DOCK1: variants seen among roughly 807,000 people sequenced by gnomAD.
DOCK1 encodes dedicator of cytokinesis protein 1.
DOCK1 carries 138 observed loss-of-function variants against 262.7 expected under a neutral mutation model. That is an observed-to-expected ratio of 0.53 (90% CI 0.46 to 0.61). DOCK1 has a LOEUF of 0.61. Among genes scored for constraint, DOCK1 ranks in the 20% least tolerant of loss-of-function variants. The probability of loss-of-function intolerance (pLI) is 0.00; values close to 1 mark genes in which losing one functional copy is unlikely to be tolerated. For synonymous variants in DOCK1, 866 were observed against 867.4 expected (o/e 1.00, Z 0.03); for missense variants, 1,908 against 2,370.7 (o/e 0.80, Z 4.05).
At chr10:127,341,415 A>G (rs1048356837) in intron 30 of DOCK1, among the ~76,000 whole-genome samples, 1 of 152,216 alleles carries the variant, frequency 6.6e-6, no homozygotes, top group African/African-American at 2.4e-5. Flanking sequence ...AAAATCAGAT[A>G]GCTGAGTTTC....
chr10:127,196,453 G>A (rs1341774710), intron 27 of DOCK1, among the ~76,000 whole-genome samples: 1 of 148,584 alleles, frequency 6.7e-6, no homozygotes, highest in Non-Finnish European at 1.5e-5. Flanking sequence ...GCGGGGCAGA[G>A]GAGGGAGCAG....
intron 21 of DOCK1, among the ~76,000 whole-genome samples, chr10:127,047,628 C>A (rs544806200): frequency 1.3e-5 from 2 of 152,264 alleles, no homozygotes; most frequent in South Asian, 4.1e-4. Flanking sequence ...AGACATAAGA[C>A]ATTGCCATTC....
intron 48 of DOCK1, among the ~76,000 whole-genome samples, chr10:127,436,074 A>G (rs1467845909): frequency 5.9e-5 from 9 of 152,236 alleles, no homozygotes; most frequent in Admixed American, 1.3e-4. Flanking sequence ...GTTGTTGCTT[A>G]TAATAGATAA....
intron 32 of DOCK1, among the ~76,000 whole-genome samples, chr10:127,357,043 A>G (rs1430066810): frequency 6.6e-6 from 1 of 151,780 alleles, no homozygotes; most frequent in Admixed American, 6.6e-5. Context: ...ACATACTGAA[A>G]TGCTTCCTTC....
At chr10:127,214,762 C>T (rs2058132164) in intron 27 of DOCK1, among the ~76,000 whole-genome samples, 1 of 152,142 alleles carries the variant, frequency 6.6e-6, no homozygotes, top group Admixed American at 6.5e-5. Flanking sequence ...GAAACAGAGG[C>T]CCCCAGTGTT....
intron 29 of DOCK1, among the ~76,000 whole-genome samples, chr10:127,306,880 G>A (rs557859612): frequency 2.6e-5 from 4 of 152,164 alleles, no homozygotes; most frequent in Non-Finnish European, 5.9e-5. Context: ...TCTCTCTCTC[G>A]ATAAGAATTA....
intron 1 of DOCK1, among the ~76,000 whole-genome samples, chr10:126,936,883 T>C (rs2034591844): frequency 6.6e-6 from 1 of 152,192 alleles, no homozygotes; most frequent in South Asian, 2.1e-4. Flanking sequence ...AGCAGCACCA[T>C]TCGTCACCGG....
intron 27 of DOCK1, among the ~76,000 whole-genome samples, chr10:127,172,311 C>T (rs1003704880): frequency 6.6e-6 from 1 of 152,064 alleles, no homozygotes; most frequent in African/African-American, 2.4e-5. Context: ...GTATTTACAC[C>T]ATGGAAATCA....
intron 10 of DOCK1, chr10:127,001,633 C>T (rs2040602619): frequency 6.6e-6 from 1 of 152,194 alleles, no homozygotes; most frequent in African/African-American, 2.4e-5. Context: ...AAAAATATTT[C>T]AAATCATTTA....
chr10:127,149,360 C>T (rs1362072957), intron 27 of DOCK1, among the ~76,000 whole-genome samples: 3 of 152,106 alleles, frequency 2.0e-5, no homozygotes, highest in Non-Finnish European at 2.9e-5. Context: ...TGGTGGTTTT[C>T]CCCCCGCCTT....
At chr10:127,341,192 G>A (rs2063409527) in intron 30 of DOCK1, among the ~76,000 whole-genome samples, 1 of 152,096 alleles carries the variant, frequency 6.6e-6, no homozygotes, top group African/African-American at 2.4e-5. Flanking sequence ...GTCATTTCAT[G>A]AATAGATGAC....
intron 32 of DOCK1, among the ~76,000 whole-genome samples, chr10:127,356,663 G>T (rs182584795): frequency 1.3e-3 from 196 of 152,186 alleles, no homozygotes; most frequent in Admixed American, 3.7e-3. Context: ...TGGCATGGAG[G>T]GGGGCTGTTC....
chr10:126,913,111 A>G (rs2032053633), intron 1 of DOCK1, among the ~76,000 whole-genome samples: 1 of 152,108 alleles, frequency 6.6e-6, no homozygotes, highest in Admixed American at 6.6e-5. Flanking sequence ...TTGTAATCAA[A>G]TTAGTGACAG....
chr10:127,261,979 GGT>G (rs565161059), intron 29 of DOCK1, among the ~76,000 whole-genome samples: 12 of 96,122 alleles, frequency 1.2e-4, no homozygotes, highest in South Asian at 3.6e-4. Context: ...TGTGCATGTG[GGT>G]GTGTGTGTGT....
chr10:127,177,636 C>T (rs2055296324), intron 27 of DOCK1, among the ~76,000 whole-genome samples: 2 of 152,182 alleles, frequency 1.3e-5, no homozygotes, highest in African/African-American at 4.8e-5. Flanking sequence ...CAGACTTCGT[C>T]CACATTGCCC....
chr10:127,055,292 C>T (rs1382923492), intron 22 of DOCK1, among the ~76,000 whole-genome samples: 1 of 152,156 alleles, frequency 6.6e-6, no homozygotes, highest in East Asian at 1.9e-4. Flanking sequence ...TTAGTGGGGT[C>T]TCTTTATCTC....
rs747957866 is a variant in DOCK1 at position 126,970,678 on chromosome 10, A to G, written c.47-24A>G. On this transcript the variant is annotated intron_variant, in intron 1 of 51. Coordinates refer to ENST00000623213, the MANE Select transcript of DOCK1 (RefSeq NM_001290223.2). ...CACTTCTATCTTTACTATTACTAAT[A>G]TATTTCCCCTTTTTTCATCACAGCT... 8.3e-6 allele frequency: 13 copies of G among 1,570,014 alleles called. No homozygotes were observed. The South Asian group carries it at 1.1e-4, about 13-fold the overall frequency.
At chr10:127,371,093 C>T (rs760096557) in intron 33 of DOCK1, among the ~76,000 whole-genome samples, 31 of 152,230 alleles carry the variant, frequency 2.0e-4, no homozygotes, top group Non-Finnish European at 3.5e-4. Flanking sequence ...ACCAGCTCTG[C>T]TCTATCAGCA....
intron 21 of DOCK1, among the ~76,000 whole-genome samples, chr10:127,043,919 G>C (rs562017233): frequency 1.3e-5 from 2 of 152,132 alleles, no homozygotes; most frequent in African/African-American, 4.8e-5. Flanking sequence ...AAGTTATTAC[G>C]TGTAGAGTGC....
Sources: gnomAD v4.1 joint callset for allele counts (sites outside exome capture counted in the v4.1 genomes callset) on GRCh38, gnomAD v4.1.1 for gene constraint, MANE v1.5 for transcripts, NCBI Gene and HGNC (gene_info 2026-07-23, HGNC 2026-07-21) for gene names.